The following BBX variants were observed in gnomAD, a reference collection of about 807,000 sequenced individuals.
BBX encodes the protein HMG box transcription factor BBX.
BBX carries 30 observed loss-of-function variants against 100.2 expected under a neutral mutation model. The observed-to-expected ratio is 0.30, with a 90% CI of 0.22 to 0.41. The LOEUF (loss-of-function observed/expected upper bound fraction) is 0.41, where lower values mean the gene tolerates loss of function less well. BBX is among the 10% of genes least tolerant of loss of function. BBX has a pLI of 1.00. For synonymous variants in BBX, 376 were observed against 388.1 expected (o/e 0.97, Z 0.37); for missense variants, 1,023 against 1,129.8 (o/e 0.91, Z 1.35).
intron 2 of BBX, among the ~76,000 whole-genome samples, chr3:107,639,625 A>G (rs1455434054): frequency 6.6e-6 from 1 of 152,160 alleles, no homozygotes; most frequent in East Asian, 1.9e-4. Flanking sequence ...ATAGGAGTTT[A>G]AAAGAGGCAT....
At chr3:107,604,928 A>G (rs997086059) in intron 2 of BBX, among the ~76,000 whole-genome samples, 3 of 152,172 alleles carry the variant, frequency 2.0e-5, no homozygotes, top group African/African-American at 7.2e-5. Context: ...GCCACAGTTA[A>G]ATATATTCTT....
chr3:107,602,102 C>T (rs1225088964), intron 2 of BBX, among the ~76,000 whole-genome samples: 1 of 152,142 alleles, frequency 6.6e-6, no homozygotes, highest in African/African-American at 2.4e-5. Context: ...ATATTTCAAG[C>T]CCACTGTTGA....
rs66663431 is a variant in BBX, at chr3:107,700,406, TTCATCA to T, written c.-9-10041_-9-10036del. Among the ~76,000 whole-genome samples the T allele has an allele frequency of 8.6e-4, 90 of 104,206 alleles. 2 individuals are homozygous for T. The highest frequency in any genetic ancestry group is 1.2e-3 in the Non-Finnish European group (59 of 48,060). The allele number at this position is 104,206 out of a possible 152,430, so 68.4% of individuals were successfully genotyped here. On this transcript the variant is annotated intron_variant, in intron 3 of 17. Transcript: ENST00000325805. ...TAAGCAGGAGGCAAAGGTATTTTCT[TTCATCA>T]TCATTATTATTATTATTATTATTAT...
chr3:107,703,709 T>C (rs1226002311), intron 3 of BBX, among the ~76,000 whole-genome samples: 2 of 152,180 alleles, frequency 1.3e-5, no homozygotes, highest in African/African-American at 4.8e-5. Context: ...AAAATGAGAG[T>C]ATTACTTTAT....
At chr3:107,775,012 C>A (rs2067213295) in intron 12 of BBX, among the ~76,000 whole-genome samples, 155 bp downstream of exon 12, 1 of 152,174 alleles carries the variant, frequency 6.6e-6, no homozygotes. Context: ...GAACACAAAT[C>A]AAGTGCATCA....
At chr3:107,798,000 A>T (rs7634587) in intron 15 of BBX, among the ~76,000 whole-genome samples, 1 of 152,072 alleles carries the variant, frequency 6.6e-6, no homozygotes, top group Admixed American at 6.5e-5. Flanking sequence ...TGCACAGTCA[A>T]TCTACATGAA....
intron 2 of BBX, among the ~76,000 whole-genome samples, chr3:107,584,965 C>A (rs908611165): frequency 1.3e-5 from 2 of 151,934 alleles, no homozygotes; most frequent in Non-Finnish European, 2.9e-5. Context: ...GTGTGAGCCA[C>A]CACCCCCGGC....
intron 3 of BBX, among the ~76,000 whole-genome samples, chr3:107,665,268 G>A (rs116791492): frequency 0.01 from 1,564 of 152,238 alleles, 21 homozygotes; most frequent in Middle Eastern, 0.034. Flanking sequence ...GCACTAGGCC[G>A]AAATCATGAA....
rs767387456 is a variant in BBX at position 107,699,986 on chromosome 3, G to A, written c.-9-10466G>A. On this transcript the variant is annotated intron_variant, in intron 3 of 17. Transcript: ENST00000325805. ...GGTCACTTAGTGAAGCACATCGTTG[G>A]GTGTGGAGGCTGTGAACAAATGACA... Among the ~76,000 whole-genome samples the A allele has an allele frequency of 6.0e-4, 91 of 151,920 alleles. 1 individual carries two copies. Among genetic ancestry groups the A allele is most frequent in the Non-Finnish European group, 1.5e-4 (10 of 68,030 alleles).
intron 5 of BBX, among the ~76,000 whole-genome samples, chr3:107,720,462 G>C (rs146289488): frequency 1.3e-5 from 2 of 152,032 alleles, no homozygotes; most frequent in African/African-American, 4.8e-5. Context: ...GAAGGAAAAG[G>C]GTAAGAGTAG....
chr3:107,718,901 T>C (rs2062312556), intron 5 of BBX, among the ~76,000 whole-genome samples: 1 of 152,100 alleles, frequency 6.6e-6, no homozygotes, highest in African/African-American at 2.4e-5. Flanking sequence ...CTGCAAAGTG[T>C]AGAAGATTCG....
At chr3:107,780,053 T>C (rs909968598) in intron 13 of BBX, among the ~76,000 whole-genome samples, 14 of 152,090 alleles carry the variant, frequency 9.2e-5, no homozygotes, top group African/African-American at 3.1e-4. Flanking sequence ...TCTTCCAAGA[T>C]AGAAATAAAG....
intron 2 of BBX, among the ~76,000 whole-genome samples, chr3:107,592,308 C>G (rs1199250036): frequency 7.4e-6 from 1 of 134,978 alleles, no homozygotes. Flanking sequence ...TTGCAGTGAG[C>G]CGAGATTGCA....
chr3:107,606,847 A>G (rs908465024), intron 2 of BBX, among the ~76,000 whole-genome samples: 3 of 152,122 alleles, frequency 2.0e-5, no homozygotes, highest in Non-Finnish European at 2.9e-5. Flanking sequence ...TAAATTATTG[A>G]CTATAGTCAC....
chr3:107,641,177 C>T (rs1396074797), intron 2 of BBX, among the ~76,000 whole-genome samples: 5 of 151,652 alleles, frequency 3.3e-5, no homozygotes, highest in Admixed American at 2.0e-4. Flanking sequence ...CTCCACCTCC[C>T]GGGTTTAAGC....
At chr3:107,576,767 A>T (rs1212927347) in intron 2 of BBX, among the ~76,000 whole-genome samples, 3 of 152,164 alleles carry the variant, frequency 2.0e-5, no homozygotes, top group Non-Finnish European at 2.9e-5. Context: ...TTAGGGGCTT[A>T]TATCTTTGGT....
chr3:107,684,048 T>C (rs1240756231), intron 3 of BBX, among the ~76,000 whole-genome samples: 1 of 152,200 alleles, frequency 6.6e-6, no homozygotes, highest in Non-Finnish European at 1.5e-5. Flanking sequence ...CTTCCCATTA[T>C]TTTACTATGT....
intron 2 of BBX, among the ~76,000 whole-genome samples, chr3:107,619,260 A>T (rs939655078): frequency 1.3e-5 from 2 of 152,006 alleles, no homozygotes; most frequent in African/African-American, 4.8e-5. Flanking sequence ...CTTTCAGCCT[A>T]CCTATGTCAT....
intron 3 of BBX, among the ~76,000 whole-genome samples, chr3:107,709,337 C>T (rs113237405): frequency 3.9e-5 from 6 of 152,232 alleles, no homozygotes; most frequent in African/African-American, 9.6e-5. Context: ...ATTCTCTGAA[C>T]GGCTTGAGAA....
Sources: allele counts gnomAD v4.1 joint callset (sites outside exome capture counted in the v4.1 genomes callset), GRCh38; gene constraint gnomAD v4.1.1; transcripts MANE v1.5; gene names NCBI Gene and HGNC (gene_info 2026-07-23, HGNC 2026-07-21).